Variants in IQGAP2 observed in about 807,000 individuals in gnomAD.
IQGAP2 encodes IQ motif containing GTPase activating protein 2.
Under a neutral mutation model 201.3 loss-of-function variants are expected in IQGAP2, and 173 were observed. The ratio of observed to expected loss-of-function variants is 0.86; its 90% CI spans 0.76 to 0.98. IQGAP2 has a LOEUF of 0.98. Ranked by LOEUF, IQGAP2 falls within the 50% of genes least tolerant of loss-of-function variation. The pLI is 0.00. For synonymous variants in IQGAP2, 675 were observed against 673.9 expected, an observed-to-expected ratio of 1.00 and a Z score of -0.03; for missense variants, 1,687 against 1,864.8, an observed-to-expected ratio of 0.90 and a Z score of 1.76.
In IQGAP2 at chr5:76,516,546, A is replaced by G. The variant is rs552362677; in HGVS notation, c.147-45850A>G. On this transcript the variant is annotated intron_variant, in intron 2 of 35. Transcript: ENST00000274364. ...ATTTCTTAATTCTCCAGGATAATAG[A>G]AACATTAATTGTTCAGAGAAACTCC... is the stretch of plus-strand genomic sequence containing the variant. Among the ~76,000 whole-genome samples, 3 of 152,314 alleles carry G rather than the reference A, an allele frequency of 2.0e-5. No homozygotes were observed. In the East Asian group the frequency reaches 5.8e-4, roughly 29 times the overall value.
At chr5:76,538,451 G>A (rs1759752879) in intron 2 of IQGAP2, among the ~76,000 whole-genome samples, 1 of 152,226 alleles carries the variant, frequency 6.6e-6, no homozygotes, top group African/African-American at 2.4e-5. Flanking sequence ...CTGCTCCATG[G>A]AGAGTGGCCA....
At chr5:76,431,088 T>TA (rs996680320) in intron 1 of IQGAP2, among the ~76,000 whole-genome samples, 1 of 152,030 alleles carries the variant, frequency 6.6e-6, no homozygotes, top group African/African-American at 2.4e-5. Flanking sequence ...CATATATATG[T>TA]AAAAATTCAG....
intron 1 of IQGAP2, chr5:76,404,535 C>A (rs1750689247): frequency 2.3e-5 from 23 of 980,964 alleles, no homozygotes; most frequent in Non-Finnish European, 2.7e-5. Context: ...GGCAGAGGTA[C>A]CAGGTTTGGG....
At chr5:76,594,506 A>G (rs773475753) in intron 9 of IQGAP2, among the ~76,000 whole-genome samples, 17 of 152,202 alleles carry the variant, frequency 1.1e-4, no homozygotes, top group South Asian at 2.1e-4. Context: ...CCGGCTGAAA[A>G]TATGAAAGCA....
intron 3 of IQGAP2, among the ~76,000 whole-genome samples, chr5:76,565,876 C>G (rs893555542): frequency 1.3e-5 from 2 of 152,120 alleles, no homozygotes; most frequent in African/African-American, 4.8e-5. Context: ...AATTGGATTC[C>G]TGGGTCCCAC....
chr5:76,487,871 A>C (rs1160329087), intron 2 of IQGAP2, among the ~76,000 whole-genome samples: 1 of 152,232 alleles, frequency 6.6e-6, no homozygotes, highest in African/African-American at 2.4e-5. Flanking sequence ...GAATATGTCC[A>C]GTCCTTTTCA....
At chr5:76,446,564 A>T (rs1405081474) in intron 1 of IQGAP2, among the ~76,000 whole-genome samples, 2 of 151,190 alleles carry the variant, frequency 1.3e-5, no homozygotes, top group South Asian at 2.1e-4. Context: ...TGTTTCTAGA[A>T]CCCTCCTTCT....
At chr5:76,688,448 A>G (rs1049065827) in intron 30 of IQGAP2, among the ~76,000 whole-genome samples, 29 of 152,228 alleles carry the variant, frequency 1.9e-4, no homozygotes, top group African/African-American at 6.5e-4. Context: ...ATTCTTACTC[A>G]TCAGATGAAG....
chr5:76,671,257 T>A (rs925851786), intron 23 of IQGAP2, among the ~76,000 whole-genome samples: 1 of 151,972 alleles, frequency 6.6e-6, no homozygotes, highest in African/African-American at 2.4e-5. Context: ...TGAGACTCTG[T>A]CTCAAAAAGA....
chr5:76,496,763 TTCTTTCTTTCTTTC>T (rs1756986964), intron 2 of IQGAP2, among the ~76,000 whole-genome samples: 2 of 113,512 alleles, frequency 1.8e-5, no homozygotes, highest in African/African-American at 1.1e-4. Flanking sequence ...CTTTCTTTCT[TTCTTTCTTTCTTTC>T]TTTCTTTCTT....
rs2069666 is a variant in IQGAP2 at position 76,620,367 on chromosome 5, T to TA, written c.1522-7043_1522-7042insA. On this transcript the variant is annotated intron_variant, in intron 13 of 35. Transcript: ENST00000274364. ...CTGATGGCGGCTTAAAGGGACTTGG[T>TA]TCTGATTGGCTTTGGGGTGCAGTGA... Among the ~76,000 whole-genome samples, 420 of 151,928 alleles carry TA rather than the reference T, an allele frequency of 2.8e-3. 3 individuals are homozygous for TA. The highest frequency in any genetic ancestry group is 3.8e-3 in the Non-Finnish European group (256 of 67,902).
chr5:76,549,640 A>G (rs1489751372), intron 2 of IQGAP2, among the ~76,000 whole-genome samples: 1 of 152,100 alleles, frequency 6.6e-6, no homozygotes, highest in Non-Finnish European at 1.5e-5. Flanking sequence ...GAAATCCAAG[A>G]GCAAGGTGTC....
intron 17 of IQGAP2, among the ~76,000 whole-genome samples, chr5:76,642,881 A>G (rs1276196753): frequency 6.6e-6 from 1 of 152,218 alleles, no homozygotes; most frequent in Non-Finnish European, 1.5e-5. Context: ...CATGATCAAC[A>G]TCCAGCATTC....
chr5:76,669,323 A>G (rs1286953055), intron 23 of IQGAP2, among the ~76,000 whole-genome samples: 1 of 152,236 alleles, frequency 6.6e-6, no homozygotes, highest in Non-Finnish European at 1.5e-5. Context: ...TCCTTAGCTC[A>G]GGTGGCCTCC....
chr5:76,676,226 C>G (rs1398882668), intron 27 of IQGAP2, among the ~76,000 whole-genome samples: 1 of 152,028 alleles, frequency 6.6e-6, no homozygotes, highest in African/African-American at 2.4e-5. Context: ...GAAACAAGAC[C>G]AAAGAAGTGA....
chr5:76,617,686 G>C, intron 13 of IQGAP2: 1 of 1,614,042 alleles, frequency 6.2e-7, no homozygotes, highest in South Asian at 1.1e-5. Flanking sequence ...AAAGCTATGA[G>C]ATATATAAAA....
intron 2 of IQGAP2, among the ~76,000 whole-genome samples, chr5:76,471,141 G>A (rs890719250): frequency 6.6e-6 from 1 of 152,148 alleles, no homozygotes; most frequent in Non-Finnish European, 1.5e-5. Context: ...TAATCCAACC[G>A]GAGCTATTGT....
intron 3 of IQGAP2, among the ~76,000 whole-genome samples, chr5:76,568,516 C>G (rs913534737): frequency 8.5e-5 from 13 of 152,160 alleles, no homozygotes; most frequent in African/African-American, 3.1e-4. Context: ...CTAACAAGAC[C>G]ACTAAACACA....
chr5:76,536,761 C>CAAAA (rs752757446), intron 2 of IQGAP2, among the ~76,000 whole-genome samples: 1 of 114,998 alleles, frequency 8.7e-6, no homozygotes, highest in South Asian at 2.7e-4. Context: ...ACTCCGTCTC[C>CAAAA]AAAAAAAAAA....
Sources: allele counts gnomAD v4.1 joint callset (sites outside exome capture counted in the v4.1 genomes callset), GRCh38; gene constraint gnomAD v4.1.1; transcripts MANE v1.5; gene names NCBI Gene and HGNC (gene_info 2026-07-23, HGNC 2026-07-21).